Variants in PTPRD observed in about 807,000 individuals in gnomAD.
PTPRD encodes receptor-type tyrosine-protein phosphatase delta.
In PTPRD, 34 loss-of-function variants were observed where a neutral mutation model predicts 214.5. The ratio of observed to expected loss-of-function variants is 0.16; its 90% CI spans 0.12 to 0.21. The LOEUF (loss-of-function observed/expected upper bound fraction) is 0.21. Among genes scored for constraint, PTPRD ranks in the 10% least tolerant of loss-of-function variants. PTPRD has a pLI of 1.00. For missense variants in PTPRD, 2,545 were observed against 2,398.7 expected, an observed-to-expected ratio of 1.06 and a Z score of -1.27; for synonymous variants, 1,128 against 845.7, an observed-to-expected ratio of 1.33 and a Z score of -5.79.
chr9:9,035,871 G>C (rs938888474), intron 10 of PTPRD, among the ~76,000 whole-genome samples: 13 of 152,022 alleles, frequency 8.6e-5, no homozygotes, highest in African/African-American at 3.1e-4. Flanking sequence ...TTTGTGGAGA[G>C]AATTTCTGGG....
chr9:8,479,859 T>C (rs1223962705), intron 30 of PTPRD, among the ~76,000 whole-genome samples: 3 of 152,210 alleles, frequency 2.0e-5, no homozygotes, highest in East Asian at 1.9e-4. Flanking sequence ...TTATAGTCTA[T>C]CATTTCCCTG....
chr9:9,564,717 C>T (rs1184026010), intron 8 of PTPRD, among the ~76,000 whole-genome samples: 1 of 151,872 alleles, frequency 6.6e-6, no homozygotes, highest in Non-Finnish European at 1.5e-5. Context: ...ATATGTAACT[C>T]AAGAAAACCC....
chr9:9,984,659 G>A (rs1355442371), intron 4 of PTPRD, among the ~76,000 whole-genome samples: 1 of 152,152 alleles, frequency 6.6e-6, no homozygotes, highest in Non-Finnish European at 1.5e-5. Flanking sequence ...CTTAATGGGA[G>A]TAGGGGAACA....
intron 4 of PTPRD, among the ~76,000 whole-genome samples, chr9:10,023,621 ATT>A (rs71485309): frequency 4.8e-5 from 7 of 147,044 alleles, no homozygotes; most frequent in Admixed American, 2.0e-4. Context: ...ACATGGAACT[ATT>A]TTTTTTTTTC....
chr9:10,426,682 T>C (rs2098622155), intron 2 of PTPRD, among the ~76,000 whole-genome samples: 1 of 152,030 alleles, frequency 6.6e-6, no homozygotes, highest in Admixed American at 6.6e-5. Flanking sequence ...AGGGCCAACT[T>C]CTCGGATGCT....
At chr9:10,313,051 T>A (rs1210744129) in intron 3 of PTPRD, among the ~76,000 whole-genome samples, 1 of 151,904 alleles carries the variant, frequency 6.6e-6, no homozygotes, top group African/African-American at 2.4e-5. Flanking sequence ...TGGATATATG[T>A]CCTCTCCATT....
intron 2 of PTPRD, among the ~76,000 whole-genome samples, chr9:10,349,250 G>C (rs1272630587): frequency 2.7e-5 from 3 of 109,208 alleles, no homozygotes; most frequent in African/African-American, 1.1e-4. Flanking sequence ...CCTGTCTCCA[G>C]TGGGGTGGGG....
At chr9:8,654,841 C>T (rs1249287143) in intron 12 of PTPRD, among the ~76,000 whole-genome samples, 2 of 152,096 alleles carry the variant, frequency 1.3e-5, no homozygotes, top group African/African-American at 2.4e-5. Flanking sequence ...TTGTTCAAGA[C>T]CATTAACTTG....
intron 2 of PTPRD, among the ~76,000 whole-genome samples, chr9:10,484,335 G>A (rs1180873546): frequency 6.6e-6 from 1 of 151,974 alleles, no homozygotes; most frequent in Non-Finnish European, 1.5e-5. Context: ...TACCTATTGT[G>A]TTACAACATA....
chr9:8,957,774 A>C (rs1318517068), intron 11 of PTPRD, among the ~76,000 whole-genome samples: 10 of 151,874 alleles, frequency 6.6e-5, no homozygotes, highest in Non-Finnish European at 1.0e-4. Context: ...ACATGATCTC[A>C]TATCTTAGTG....
intron 12 of PTPRD, among the ~76,000 whole-genome samples, chr9:8,679,351 A>C (rs1039551259): frequency 6.6e-6 from 1 of 152,226 alleles, no homozygotes; most frequent in African/African-American, 2.4e-5. Context: ...AAACTGCTTC[A>C]AAATTCCTAA....
At chr9:9,166,766 A>G (rs1363859712) in intron 10 of PTPRD, among the ~76,000 whole-genome samples, 1 of 152,114 alleles carries the variant, frequency 6.6e-6, no homozygotes, top group Non-Finnish European at 1.5e-5. Context: ...GAAGGAGGGC[A>G]TTCACAAAAT....
Position 9,399,823 on chromosome 9 carries a change from T to C in PTPRD, c.-236-2341A>G, listed in dbSNP as rs530081998. Among the ~76,000 whole-genome samples the C allele has an allele frequency of 2.6e-5, 4 of 152,148 alleles. No homozygotes were observed. In the South Asian group the frequency reaches 8.3e-4, roughly 32 times the overall value. ...AAGCCTCCCCAGCCATGTGGAACTG[T>C]GAATGAATCAATTAAACATCTTTCC... On this transcript the variant is annotated intron_variant, in intron 8 of 45. Transcript: ENST00000381196.
chr9:9,937,110 G>A (rs553539512), intron 5 of PTPRD, among the ~76,000 whole-genome samples: 2 of 152,184 alleles, frequency 1.3e-5, no homozygotes, highest in East Asian at 3.9e-4. Context: ...AGCACTGGGA[G>A]ATATACCTAA....
chr9:9,080,609 C>T (rs1008168968), intron 10 of PTPRD, among the ~76,000 whole-genome samples: 3 of 152,040 alleles, frequency 2.0e-5, no homozygotes, highest in African/African-American at 7.2e-5. Flanking sequence ...CAGTCTGACT[C>T]CAGAGCTTCC....
At chr9:10,101,327 G>A (rs558767475) in intron 3 of PTPRD, among the ~76,000 whole-genome samples, 1 of 151,802 alleles carries the variant, frequency 6.6e-6, no homozygotes, top group East Asian at 1.9e-4. Flanking sequence ...CAGATAAAAT[G>A]CAAAAAGTCA....
chr9:8,402,501 G>C (rs2173710), intron 36 of PTPRD, among the ~76,000 whole-genome samples: 104,344 of 152,080 alleles, frequency 0.69, 36,675 homozygotes, highest in African/African-American at 0.84. Context: ...TGCTACAATA[G>C]AGCAGAGGCA....
intron 11 of PTPRD, among the ~76,000 whole-genome samples, chr9:8,767,020 A>G (rs1304788312): frequency 6.6e-6 from 1 of 152,220 alleles, no homozygotes; most frequent in Non-Finnish European, 1.5e-5. Context: ...TCTGACCCTA[A>G]GCTTTAAGAA....
chr9:8,424,191 C>T (rs2094523165), intron 35 of PTPRD, among the ~76,000 whole-genome samples: 1 of 152,030 alleles, frequency 6.6e-6, no homozygotes, highest in South Asian at 2.1e-4. Flanking sequence ...GGACAATAAT[C>T]CTTCCTTGGG....
Sources: gnomAD v4.1 joint callset for allele counts (sites outside exome capture counted in the v4.1 genomes callset) on GRCh38, gnomAD v4.1.1 for gene constraint, MANE v1.5 for transcripts, NCBI Gene and HGNC (gene_info 2026-07-23, HGNC 2026-07-21) for gene names.